SPATS2: variants seen among roughly 807,000 people sequenced by gnomAD.
SPATS2 encodes the protein spermatogenesis associated serine rich 2.
In SPATS2, 38 loss-of-function variants were observed where a neutral mutation model predicts 63.7. The observed-to-expected ratio is 0.60, with a 90% CI of 0.46 to 0.78. The LOEUF (loss-of-function observed/expected upper bound fraction) is 0.78, where lower values mean the gene tolerates loss of function less well. Ranked by LOEUF, SPATS2 falls within the 30% of genes least tolerant of loss-of-function variation. The pLI is 0.00. For missense variants in SPATS2, 588 were observed against 666.2 expected (o/e 0.88, Z 1.29); for synonymous variants, 207 against 232.9 (o/e 0.89, Z 1.01).
Position 49,493,386 on chromosome 12 carries a change from C to T in SPATS2, c.265-1355C>T, listed in dbSNP as rs886654472. Reference sequence around the variant, plus strand: ...AAATTCAAAAGTACAAGAGTTAATACACTGAAACATCTTTTTTTTTTTTTT... The same window carrying T: ...AAATTCAAAAGTACAAGAGTTAATATACTGAAACATCTTTTTTTTTTTTTT... On this transcript the variant is annotated intron_variant, in intron 6 of 13. Transcript: ENST00000552918. Among the ~76,000 whole-genome samples the T allele has an allele frequency of 8.6e-5, 13 of 151,080 alleles. No individual in the cohort carries two copies. The South Asian group carries it at 1.7e-3, about 19-fold the overall frequency.
intron 3 of SPATS2, among the ~76,000 whole-genome samples, chr12:49,471,375 A>G (rs928772968): frequency 6.6e-5 from 10 of 152,220 alleles, no homozygotes; most frequent in Non-Finnish European, 1.5e-4. Flanking sequence ...GCCTTGCTCC[A>G]TCAACCAGGC....
At chr12:49,479,175 T>A (rs898073664) in intron 3 of SPATS2, among the ~76,000 whole-genome samples, 8 of 152,208 alleles carry the variant, frequency 5.3e-5, no homozygotes, top group African/African-American at 1.9e-4. Flanking sequence ...GCGTGCCAGT[T>A]GGTCCGTGGG....
chr12:49,433,918 C>T (rs12312499), intron 2 of SPATS2, among the ~76,000 whole-genome samples: 2 of 152,136 alleles, frequency 1.3e-5, no homozygotes, highest in Admixed American at 1.3e-4. Context: ...TTAGGTCTTA[C>T]ATTTGGTTCC....
At position 49,526,357 on chromosome 12, in the gene SPATS2, G is replaced by A. The variant is rs1241082137; in HGVS notation, c.*102G>A. 9.6e-6 allele frequency: 13 copies of A among 1,348,028 alleles called. No individual in the cohort carries two copies. In the East Asian group the frequency reaches 2.5e-4, roughly 26 times the overall value. 83.5% of individuals were successfully genotyped at this position (1,348,028 alleles called of 1,614,324 possible). ...GATGTAATAACAAAAAGAAGTTTAT[G>A]CGTATCACTTTTTGTGCCATTCTAA... On this transcript the variant is annotated 3_prime_UTR_variant, in exon 14 of 14. Coordinates refer to ENST00000552918, the MANE Select transcript of SPATS2 (RefSeq NM_023071.4).
chr12:49,480,360 A>G (rs1020470733), intron 3 of SPATS2, among the ~76,000 whole-genome samples: 2 of 152,242 alleles, frequency 1.3e-5, no homozygotes, highest in African/African-American at 4.8e-5. Context: ...CCAAGGTGGT[A>G]GAGCTTTTAA....
intron 13 of SPATS2, 49 bp downstream of exon 13, chr12:49,524,945 T>G (rs970139528): frequency 6.4e-7 from 1 of 1,567,782 alleles, no homozygotes; most frequent in Non-Finnish European, 8.8e-7. Context: ...CCCTCCAGAT[T>G]GTCAAAGCTT....
At chr12:49,428,214 C>G (rs573771305) in intron 2 of SPATS2, among the ~76,000 whole-genome samples, 1 of 151,644 alleles carries the variant, frequency 6.6e-6, no homozygotes, top group Non-Finnish European at 1.5e-5. Flanking sequence ...GAGATAGCGC[C>G]ACTGCACTCC....
intron 2 of SPATS2, among the ~76,000 whole-genome samples, chr12:49,397,442 A>T (rs980100689): frequency 1.3e-5 from 2 of 152,150 alleles, no homozygotes; most frequent in African/African-American, 2.4e-5. Flanking sequence ...TTAGACTGTA[A>T]GCTAGGAAAG....
chr12:49,499,653 C>T (rs913691710), intron 8 of SPATS2, among the ~76,000 whole-genome samples: 1 of 152,136 alleles, frequency 6.6e-6, no homozygotes, highest in Non-Finnish European at 1.5e-5. Context: ...TTTGTCCCTT[C>T]AATTCAGGGG....
At chr12:49,461,099 T>A in intron 3 of SPATS2, 62 bp downstream of exon 3, 2 of 1,556,792 alleles carry the variant, frequency 1.3e-6, no homozygotes, top group Non-Finnish European at 1.8e-6. Flanking sequence ...CATTTATAGC[T>A]GTATATTTAA....
chr12:49,483,599 G>GTTTC (rs1330456224), intron 3 of SPATS2, among the ~76,000 whole-genome samples: 1 of 152,180 alleles, frequency 6.6e-6, no homozygotes, highest in African/African-American at 2.4e-5. Flanking sequence ...AGCCATGAAA[G>GTTTC]AATCTTTAAT....
chr12:49,507,749 AACTGCCTAC>A (rs1946677656), intron 9 of SPATS2, among the ~76,000 whole-genome samples: 1 of 152,198 alleles, frequency 6.6e-6, no homozygotes, highest in Admixed American at 6.5e-5. Context: ...ATCACTTCAT[AACTGCCTAC>A]ACTGTGTTAG....
At chr12:49,516,856 G>T (rs1946860212) in intron 10 of SPATS2, among the ~76,000 whole-genome samples, 1 of 152,062 alleles carries the variant, frequency 6.6e-6, no homozygotes, top group South Asian at 2.1e-4. Flanking sequence ...AACTTCATCA[G>T]TTTTATATCT....
chr12:49,514,450 C>T lies in SPATS2; in HGVS notation c.840-105C>T, dbSNP rs577150554. ...CCATACAATATTATTTTTTAGTATG[C>T]TTTTAGCAAACAAACTCACTGGTCT... On this transcript the variant is annotated intron_variant, in intron 9 of 13. Coordinates refer to ENST00000552918, the MANE Select transcript of SPATS2 (RefSeq NM_023071.4). The T allele has an allele frequency of 3.1e-4, 308 of 1,007,310 alleles. 2 individuals are homozygous for T. Among genetic ancestry groups the T allele is most frequent in the Non-Finnish European group, 2.9e-4 (198 of 677,348 alleles). The allele number at this position is 1,007,310 out of a possible 1,614,324, so 62.4% of individuals were successfully genotyped here. A position where few individuals can be genotyped will look rare whatever the true frequency, so the allele number is the denominator to read the frequency against.
intron 9 of SPATS2, among the ~76,000 whole-genome samples, chr12:49,501,542 T>C (rs894224455): frequency 1.3e-5 from 2 of 152,234 alleles, no homozygotes; most frequent in East Asian, 1.9e-4. Flanking sequence ...CATAGCAATA[T>C]TCTAATGTTT....
At chr12:49,515,576 GAGGTGAGATTTCATTAC>G (rs899241721) in intron 10 of SPATS2, among the ~76,000 whole-genome samples, 12 of 152,194 alleles carry the variant, frequency 7.9e-5, no homozygotes, top group African/African-American at 2.9e-4. Flanking sequence ...CTGTTTTTCA[GAGGTGAGATTTCATTAC>G]ATTGAGCAAT....
At chr12:49,389,220 C>G (rs529618141) in intron 2 of SPATS2, among the ~76,000 whole-genome samples, 17 of 152,294 alleles carry the variant, frequency 1.1e-4, no homozygotes, top group African/African-American at 4.1e-4. Context: ...AGTGTTCGGC[C>G]CTGCCCCACC....
At position 49,431,934 on chromosome 12, in the gene SPATS2, G is replaced by A. The variant is rs572807593; in HGVS notation, c.-243-28836G>A. The stretch of plus-strand genomic sequence containing the variant: ...GTAGTCCCAGCTACTCGGGAGGATC[G>A]TTTGAACCTGGGAGGTTGAGGGTAC... On this transcript the variant is annotated intron_variant, in intron 2 of 13. Coordinates refer to ENST00000552918, the MANE Select transcript of SPATS2 (RefSeq NM_023071.4). Among the ~76,000 whole-genome samples, 8 of 152,080 alleles carry A rather than the reference G, an allele frequency of 5.3e-5. No individual in the cohort carries two copies. The South Asian group carries it at 1.5e-3, about 28-fold the overall frequency.
chr12:49,397,042 T>C (rs1016116983), intron 2 of SPATS2, among the ~76,000 whole-genome samples: 5 of 152,220 alleles, frequency 3.3e-5, no homozygotes, highest in African/African-American at 1.2e-4. Context: ...TACCTGGCCA[T>C]TTATTTCCCT....
Sources: allele counts gnomAD v4.1 joint callset (sites outside exome capture counted in the v4.1 genomes callset), GRCh38; gene constraint gnomAD v4.1.1; transcripts MANE v1.5; gene names NCBI Gene and HGNC (gene_info 2026-07-23, HGNC 2026-07-21).